The following PTPDC1 variants were observed in gnomAD, a reference collection of about 807,000 sequenced individuals.
The protein encoded by PTPDC1 is protein tyrosine phosphatase domain-containing protein 1.
A neutral mutation model predicts 75.3 loss-of-function variants in PTPDC1; 53 were observed. The observed-to-expected ratio is 0.70, with a 90% CI of 0.56 to 0.88. PTPDC1 has a LOEUF of 0.88. PTPDC1 is among the 40% of genes least tolerant of loss of function. The pLI, the probability that PTPDC1 is intolerant of heterozygous loss-of-function variation, is 0.00. For missense variants in PTPDC1, 925 were observed against 998.6 expected, an observed-to-expected ratio of 0.93 and a Z score of 0.99; for synonymous variants, 349 against 366.2, an observed-to-expected ratio of 0.95 and a Z score of 0.54.
At chr9:94,058,406 A>G (rs937315598) in intron 1 of PTPDC1, among the ~76,000 whole-genome samples, 11 of 152,142 alleles carry the variant, frequency 7.2e-5, no homozygotes, top group African/African-American at 2.4e-4. Flanking sequence ...TCAGTAAGAA[A>G]AAAGCTATTG....
chr9:94,083,301 C>T (rs967170963), upstream of PTPDC1, among the ~76,000 whole-genome samples: 24 of 152,104 alleles, frequency 1.6e-4, no homozygotes, highest in Admixed American at 2.0e-4. Flanking sequence ...TCCATGGCTG[C>T]ATTCTAAATA....
intron 2 of PTPDC1, among the ~76,000 whole-genome samples, chr9:94,067,493 C>T (rs1818796868): frequency 6.6e-6 from 1 of 151,954 alleles, no homozygotes; most frequent in Non-Finnish European, 1.5e-5. Flanking sequence ...AAACAGTGTT[C>T]AATTTTCTAA....
chr9:94,044,891 G>A (rs1367425632), intron 1 of PTPDC1, among the ~76,000 whole-genome samples: 1 of 151,620 alleles, frequency 6.6e-6, no homozygotes, highest in Non-Finnish European at 1.5e-5. Context: ...TGTGCACAAT[G>A]TGCAGGTTTG....
chr9:94,096,340 T>A (rs993315931), intron 5 of PTPDC1, among the ~76,000 whole-genome samples: 3 of 152,162 alleles, frequency 2.0e-5, no homozygotes, highest in Admixed American at 2.0e-4. Flanking sequence ...ATTGACATGA[T>A]AGCTCTGCAG....
At chr9:94,099,348 A>G (rs1827750666) in intron 6 of PTPDC1, among the ~76,000 whole-genome samples, 1 of 152,222 alleles carries the variant, frequency 6.6e-6, no homozygotes, top group Non-Finnish European at 1.5e-5. Flanking sequence ...AAACTACCCC[A>G]AAAGGAGGCT....
chr9:94,097,946 G>A lies in PTPDC1; in HGVS notation c.1380G>A (p.Glu460=). 1 of 1,614,160 alleles carries A rather than the reference G, an allele frequency of 6.2e-7. No individual in the cohort carries two copies. Among genetic ancestry groups the A allele is most frequent in the South Asian group, 1.1e-5 (1 of 91,084 alleles). ...SDLKRAENLL[E]QGETPQTVPA... ...TAAAGAGGGCCGAGAACCTCCTGGAGCAAGGGGAGACTCCACAGACAGTGC... is the reference window on the plus strand; with the variant it reads ...TAAAGAGGGCCGAGAACCTCCTGGAACAAGGGGAGACTCCACAGACAGTGC... Residue 460 remains glutamate (E), a synonymous_variant, in exon 6 of 9, where the codon GAG becomes GAA. Transcript: ENST00000620992.
chr9:94,065,115 A>G (rs1826262015), intron 2 of PTPDC1, among the ~76,000 whole-genome samples: 1 of 152,232 alleles, frequency 6.6e-6, no homozygotes, highest in Non-Finnish European at 1.5e-5. Flanking sequence ...TATGAATCAA[A>G]CTTTAATTTT....
At chr9:94,036,198 C>A (rs986940873) in intron 1 of PTPDC1, among the ~76,000 whole-genome samples, 2 of 151,794 alleles carry the variant, frequency 1.3e-5, no homozygotes, top group Non-Finnish European at 2.9e-5. Flanking sequence ...TTGTTGTAGA[C>A]CTTTTTTATT....
At chr9:94,071,763 T>A (rs1826518179) in intron 2 of PTPDC1, among the ~76,000 whole-genome samples, 1 of 152,208 alleles carries the variant, frequency 6.6e-6, no homozygotes, top group Non-Finnish European at 1.5e-5. Context: ...TTAAATAAGC[T>A]TATTTATGTC....
intron 5 of PTPDC1, 54 bp downstream of exon 5, chr9:94,095,508 A>C: frequency 7.0e-7 from 1 of 1,424,118 alleles, no homozygotes; most frequent in South Asian, 1.3e-5. Context: ...CATAAAAGGA[A>C]TAAGATTTCC....
intron 1 of PTPDC1, among the ~76,000 whole-genome samples, chr9:94,062,439 C>A (rs1189924028): frequency 6.6e-6 from 1 of 152,320 alleles, no homozygotes; most frequent in Non-Finnish European, 1.5e-5. Flanking sequence ...AAGCTGCCTC[C>A]ACATTTTCAA....
chr9:94,065,052 A>G (rs759552197), intron 2 of PTPDC1, among the ~76,000 whole-genome samples: 1 of 152,256 alleles, frequency 6.6e-6, no homozygotes, highest in Non-Finnish European at 1.5e-5. Flanking sequence ...TGTCTCCTGC[A>G]TAATTATCAT....
rs1387422274 is a variant in PTPDC1, at chr9:94,097,874, A to AC, written c.1312dup (p.Leu438ProfsTer12). Reference sequence around the variant, plus strand: ...AAAGGCGGAATGTTGAGTGCCTTCAACCCCTGACTCATCTGAAAAGGCGGC... The same window carrying AC: ...AAAGGCGGAATGTTGAGTGCCTTCAACCCCCTGACTCATCTGAAAAGGCGGC... On this transcript the variant is annotated frameshift_variant, in exon 6 of 9. Coordinates refer to ENST00000620992, the MANE Select transcript of PTPDC1 (RefSeq NM_001253829.2). LOFTEE classifies it high-confidence loss of function. 1 of 1,613,894 alleles carries AC rather than the reference A, an allele frequency of 6.2e-7. No individual in the cohort carries two copies. Among genetic ancestry groups the AC allele is most frequent in the African/African-American group, 1.3e-5 (1 of 74,850 alleles).
intron 1 of PTPDC1, chr9:94,064,618 T>C (rs1826241749): frequency 1.6e-6 from 1 of 644,728 alleles, no homozygotes; most frequent in South Asian, 2.0e-5. Context: ...ATTTCAAGTA[T>C]CTGCCACTTG....
chr9:94,067,957 T>C (rs890969532), intron 2 of PTPDC1, among the ~76,000 whole-genome samples: 11 of 152,202 alleles, frequency 7.2e-5, no homozygotes, highest in South Asian at 4.1e-4. Flanking sequence ...ACAGTTTATT[T>C]GTTGGAGAAA....
intron 1 of PTPDC1, among the ~76,000 whole-genome samples, chr9:94,058,111 G>C (rs2118480054): frequency 6.6e-6 from 1 of 152,290 alleles, no homozygotes; most frequent in East Asian, 1.9e-4. Flanking sequence ...GGGGGACTAA[G>C]ACAGAGCTTT....
At chr9:94,056,053 A>T (rs1272339520) in intron 1 of PTPDC1, among the ~76,000 whole-genome samples, 2 of 152,140 alleles carry the variant, frequency 1.3e-5, no homozygotes, top group African/African-American at 4.8e-5. Flanking sequence ...GGTATATGGG[A>T]AGCCTCTATA....
upstream of PTPDC1, among the ~76,000 whole-genome samples, chr9:94,081,852 A>T (rs1241251183): frequency 6.6e-6 from 1 of 152,250 alleles, no homozygotes; most frequent in African/African-American, 2.4e-5. Flanking sequence ...AAACAGAAAT[A>T]GGGAAAGTCT....
chr9:94,105,846 G>A (rs912124820), intron 8 of PTPDC1, among the ~76,000 whole-genome samples: 16 of 151,634 alleles, frequency 1.1e-4, no homozygotes, highest in Admixed American at 3.9e-4. Context: ...GGTGGCAGGC[G>A]CCTGTAGTCC....
Sources: gnomAD v4.1 joint callset for allele counts (sites outside exome capture counted in the v4.1 genomes callset) on GRCh38, gnomAD v4.1.1 for gene constraint, MANE v1.5 for transcripts, NCBI Gene and HGNC (gene_info 2026-07-23, HGNC 2026-07-21) for gene names.